Variants in RFWD3 observed in about 807,000 individuals in gnomAD.
The protein encoded by RFWD3 is ring finger and WD repeat domain 3, also known as E3 ubiquitin-protein ligase RFWD3.
RFWD3 carries 65 observed loss-of-function variants against 87.7 expected under a neutral mutation model. That is an observed-to-expected ratio of 0.74 (90% confidence interval 0.61 to 0.91). RFWD3 has a LOEUF of 0.91. Among genes scored for constraint, RFWD3 ranks in the 40% least tolerant of loss-of-function variants. RFWD3 has a pLI of 0.00. For synonymous variants in RFWD3, 433 were observed against 352.8 expected, an observed-to-expected ratio of 1.23 and a Z score of -2.55; for missense variants, 1,078 against 938.5, an observed-to-expected ratio of 1.15 and a Z score of -1.94.
At chr16:74,625,378 G>A (rs547791109) in intron 12 of RFWD3, among the ~76,000 whole-genome samples, 6 of 151,866 alleles carry the variant, frequency 4.0e-5, no homozygotes, top group South Asian at 4.2e-4. Context: ...CAAATTAGCC[G>A]GGTATGGTTG....
intron 3 of RFWD3, 75 bp from the exon 4 acceptor site, chr16:74,649,277 GGAGA>G: frequency 9.2e-7 from 1 of 1,081,192 alleles, no homozygotes; most frequent in Non-Finnish European, 1.3e-6. Flanking sequence ...GAAGCTAGCA[GGAGA>G]GAGCCTGACT....
intron 1 of RFWD3, among the ~76,000 whole-genome samples, chr16:74,663,911 G>A (rs1260593833): frequency 6.6e-6 from 1 of 152,146 alleles, no homozygotes; most frequent in African/African-American, 2.4e-5. Flanking sequence ...AGAAGGGCTG[G>A]TTAAAAGCCA....
chr16:74,660,809 A>C, intron 2 of RFWD3, 123 bp downstream of exon 2: 1 of 1,025,508 alleles, frequency 9.8e-7, no homozygotes, highest in Non-Finnish European at 1.4e-6. Flanking sequence ...ACCTATGAGG[A>C]ACTGGGGGTC....
rs1354171667 is a variant in RFWD3, at chr16:74,666,157, G to T, written c.-3+629C>A. 4.6e-5 allele frequency: 7 copies of T among 151,040 alleles called. No homozygotes were observed. The East Asian group carries it at 1.4e-3, about 29-fold the overall frequency. 9.4% of individuals were successfully genotyped at this position (151,040 alleles called of 1,614,324 possible). A position where few individuals can be genotyped will look rare whatever the true frequency, so the allele number is the denominator to read the frequency against. On this transcript the variant is annotated intron_variant, in intron 1 of 12. Transcript: ENST00000361070. ...TTCTTTTACTACATGGGGAAAGAAA[G>T]ACATAGATAGATTAGATAGACAGAT... is the stretch of plus-strand genomic sequence containing the variant.
Position 74,652,109 on chromosome 16 carries a change from A to T in RFWD3, c.532T>A (p.Leu178Met). The part of the protein sequence containing the change: ...RTDSARLRAP[L>M]DAYFQVSRTQ... ...CTGCTCACCTGAAAGTAAGCATCCA[A>T]TGGTGCTCTCAACCTATGTACACAG... The change falls in exon 3 of 13, where the codon TTG becomes ATG. Residue 178 changes from leucine to methionine, a missense_variant. Coordinates refer to ENST00000361070, the MANE Select transcript of RFWD3 (RefSeq NM_018124.4). 6.2e-7 allele frequency: 1 copy of T among 1,614,064 alleles called. No individual in the cohort carries two copies. The highest frequency in any genetic ancestry group is 8.5e-7 in the Non-Finnish European group (1 of 1,179,982).
In RFWD3 at chr16:74,649,230, G is replaced by A. The variant is rs771405692; in HGVS notation, c.722-28C>T. ...GCCAAGTCATTTCCAGAAATGACAG[G>A]AGAGGTAAAATACAAAATAAGATAT... is the stretch of plus-strand genomic sequence containing the variant. On this transcript the variant is annotated intron_variant, in intron 3 of 12. Coordinates refer to ENST00000361070, the MANE Select transcript of RFWD3 (RefSeq NM_018124.4). The A allele has an allele frequency of 8.6e-6, 13 of 1,513,472 alleles. No individual in the cohort carries two copies. In the South Asian group the frequency reaches 1.5e-4, roughly 18 times the overall value. 93.8% of individuals were successfully genotyped at this position (1,513,472 alleles called of 1,614,324 possible). A position where few individuals can be genotyped will look rare whatever the true frequency, so the allele number is the denominator to read the frequency against.
intron 2 of RFWD3, among the ~76,000 whole-genome samples, chr16:74,657,992 A>C (rs1961132691): frequency 6.6e-6 from 1 of 152,080 alleles, no homozygotes; most frequent in Non-Finnish European, 1.5e-5. Context: ...AAAAAAAATC[A>C]CTCTTTAATA....
At chr16:74,649,091 A>T (rs1451745458) in intron 4 of RFWD3, 41 bp downstream of exon 4, 1 of 1,352,304 alleles carries the variant, frequency 7.4e-7, no homozygotes. Context: ...AAAAATAAAT[A>T]AATAAATAAA....
chr16:74,660,069 T>A (rs1878024725), intron 2 of RFWD3, among the ~76,000 whole-genome samples: 1 of 151,174 alleles, frequency 6.6e-6, no homozygotes, highest in South Asian at 2.1e-4. Context: ...ATAACAATAA[T>A]AAAAACAAGA....
rs1958762946 is a variant in RFWD3 at position 74,621,405 on chromosome 16, G to A, written c.*2523C>T. 1 of 152,168 alleles carries A rather than the reference G, an allele frequency of 6.6e-6. No homozygotes were observed. Among genetic ancestry groups the A allele is most frequent in the Admixed American group, 6.5e-5 (1 of 15,278 alleles). The allele number at this position is 152,168 out of a possible 1,614,324, so 9.4% of individuals were successfully genotyped here. A position where few individuals can be genotyped will look rare whatever the true frequency, so the allele number is the denominator to read the frequency against. On this transcript the variant is annotated 3_prime_UTR_variant, in exon 13 of 13. Transcript: ENST00000361070. ...AAGGCACTAGGAGCCATTATACATA[G>A]CAAATTCTTTATTTTCATATTAACA...
At chr16:74,662,103 G>A (rs573785334) in intron 1 of RFWD3, among the ~76,000 whole-genome samples, 3 of 151,426 alleles carry the variant, frequency 2.0e-5, no homozygotes, top group African/African-American at 7.3e-5. Context: ...TAATTCCATT[G>A]TATCAGTTTG....
rs759634055 is a variant in RFWD3, at chr16:74,632,475, C to T, written c.1577+48G>A. On this transcript the variant is annotated intron_variant, in intron 9 of 12. Coordinates refer to ENST00000361070, the MANE Select transcript of RFWD3 (RefSeq NM_018124.4). The stretch of plus-strand genomic sequence containing the variant: ...TAACACCGATACGAATTCCATGCTA[C>T]TCAACACCAAAGAGCCCAGTCTCCA... 54 of 1,596,038 alleles carry T rather than the reference C, an allele frequency of 3.4e-5. No individual in the cohort carries two copies. In the South Asian group the frequency reaches 4.1e-4, roughly 12 times the overall value.
intron 2 of RFWD3, among the ~76,000 whole-genome samples, chr16:74,657,480 T>TTTC (rs1044769384): frequency 6.7e-6 from 1 of 148,392 alleles, no homozygotes; most frequent in Non-Finnish European, 1.5e-5. Flanking sequence ...TTCTTTTTCT[T>TTTC]TTTTTTTTTT....
intron 2 of RFWD3, among the ~76,000 whole-genome samples, chr16:74,660,432 G>A (rs1444002117): frequency 6.6e-6 from 1 of 152,194 alleles, no homozygotes; most frequent in Non-Finnish European, 1.5e-5. Flanking sequence ...CAGCCTGGAC[G>A]ACAGAGTGAG....
intron 6 of RFWD3, among the ~76,000 whole-genome samples, chr16:74,638,634 T>C (rs1959359891): frequency 6.6e-6 from 1 of 152,166 alleles, no homozygotes; most frequent in Non-Finnish European, 1.5e-5. Flanking sequence ...TATGGCAAAT[T>C]TAAGAGAACC....
chr16:74,634,998 T>C (rs1882276429), intron 8 of RFWD3, among the ~76,000 whole-genome samples: 1 of 151,900 alleles, frequency 6.6e-6, no homozygotes, highest in African/African-American at 2.4e-5. Flanking sequence ...TAACTAGGCA[T>C]AGCCGGGCGC....
chr16:74,653,760 T>G (rs967552180), intron 2 of RFWD3, among the ~76,000 whole-genome samples: 6 of 152,228 alleles, frequency 3.9e-5, no homozygotes, highest in Non-Finnish European at 8.8e-5. Flanking sequence ...CCAGAAACAT[T>G]GTTGAGGACT....
At chr16:74,629,998 T>C (rs1218008982) in intron 10 of RFWD3, among the ~76,000 whole-genome samples, 1 of 152,248 alleles carries the variant, frequency 6.6e-6, no homozygotes, top group African/African-American at 2.4e-5. Flanking sequence ...TAATATGGTA[T>C]CTTCAAACAA....
At chr16:74,625,195 G>A (rs1326821363) in intron 12 of RFWD3, among the ~76,000 whole-genome samples, 7 of 82,188 alleles carry the variant, frequency 8.5e-5, no homozygotes, top group Admixed American at 8.0e-4. Context: ...GCAAGACCCT[G>A]TCTCAAAAAA....
Sources: gnomAD v4.1 joint callset for allele counts (sites outside exome capture counted in the v4.1 genomes callset) on GRCh38, gnomAD v4.1.1 for gene constraint, MANE v1.5 for transcripts, NCBI Gene and HGNC (gene_info 2026-07-23, HGNC 2026-07-21) for gene names.